Variants in GRM7 observed in about 807,000 individuals in gnomAD.
GRM7 encodes metabotropic glutamate receptor 7.
Under a neutral mutation model 84.5 loss-of-function variants are expected in GRM7, and 35 were observed. The observed-to-expected ratio is 0.41, with a 90% CI of 0.32 to 0.55. GRM7 has a LOEUF of 0.55. Among genes scored for constraint, GRM7 ranks in the 20% least tolerant of loss-of-function variants. The pLI is 0.19. For missense variants in GRM7, 1,003 were observed against 1,194.6 expected, an observed-to-expected ratio of 0.84 and a Z score of 2.36; for synonymous variants, 487 against 455.1, an observed-to-expected ratio of 1.07 and a Z score of -0.89.
intron 7 of GRM7, among the ~76,000 whole-genome samples, chr3:7,539,746 A>G (rs981324165): frequency 6.6e-6 from 1 of 151,966 alleles, no homozygotes; most frequent in Non-Finnish European, 1.5e-5. Flanking sequence ...ACTGAAATGC[A>G]GAAGGAGGAG....
intron 1 of GRM7, among the ~76,000 whole-genome samples, chr3:7,136,953 A>G (rs1207147836): frequency 6.6e-6 from 1 of 152,118 alleles, no homozygotes; most frequent in Non-Finnish European, 1.5e-5. Context: ...AGAACCCATC[A>G]ATTGACCTTC....
chr3:7,593,030 A>G (rs529618866), intron 8 of GRM7, among the ~76,000 whole-genome samples: 2 of 152,360 alleles, frequency 1.3e-5, no homozygotes, highest in South Asian at 4.1e-4. Context: ...ACAATAATGT[A>G]ACAATATTCC....
At chr3:7,009,172 G>T (rs1181749541) in intron 1 of GRM7, among the ~76,000 whole-genome samples, 2 of 152,240 alleles carry the variant, frequency 1.3e-5, no homozygotes, top group Non-Finnish European at 2.9e-5. Context: ...GAAACAACTG[G>T]TGCCTAAACT....
In GRM7 at chr3:7,486,808, G is replaced by T. The variant is rs149844798; in HGVS notation, c.1515+25086G>T. ...AAAATGGATGCTGGGAAGTGGAGTT[G>T]TTGCTATGCCTGAAAATGTAGAAGT... On this transcript the variant is annotated intron_variant, in intron 7 of 9. Coordinates refer to ENST00000357716, the MANE Select transcript of GRM7 (RefSeq NM_000844.4). This position sits in a 1 kb window ranked among gnomAD's most constrained non-coding sequence, Gnocchi z 5.5. Among the ~76,000 whole-genome samples the T allele has an allele frequency of 6.6e-6, 1 of 152,138 alleles. No individual in the cohort carries two copies. Among genetic ancestry groups the T allele is most frequent in the Admixed American group, 6.5e-5 (1 of 15,268 alleles).
chr3:7,402,115 G>C (rs1386294948), intron 4 of GRM7, among the ~76,000 whole-genome samples: 1 of 152,010 alleles, frequency 6.6e-6, no homozygotes, highest in Non-Finnish European at 1.5e-5. Flanking sequence ...CTACTTCTCA[G>C]CCTATGTGGC....
At chr3:7,334,345 C>G (rs929638930) in intron 4 of GRM7, among the ~76,000 whole-genome samples, 6 of 152,030 alleles carry the variant, frequency 3.9e-5, no homozygotes, top group African/African-American at 1.2e-4. Flanking sequence ...CTCAGACAAA[C>G]AAATGCTGAA....
chr3:7,193,668 C>T (rs1364736340), intron 2 of GRM7, among the ~76,000 whole-genome samples: 1 of 151,028 alleles, frequency 6.6e-6, no homozygotes, highest in African/African-American at 2.4e-5. Context: ...TCTCTTTCCT[C>T]TCTCTCTCTC....
In GRM7 at chr3:6,919,011, C is replaced by T. The variant is rs76885763; in HGVS notation, c.519+57104C>T. ...TAAACAAAATCAATCTTTATGGCCC[C>T]GCTGCATAGCAAGTGATCACAGCAC... On this transcript the variant is annotated intron_variant, in intron 1 of 9. Coordinates refer to ENST00000357716, the MANE Select transcript of GRM7 (RefSeq NM_000844.4). Among the ~76,000 whole-genome samples the T allele has an allele frequency of 1.2e-3, 179 of 152,182 alleles. 5 individuals carry two copies. In the East Asian group the frequency reaches 0.027, roughly 23 times the overall value.
intron 2 of GRM7, among the ~76,000 whole-genome samples, chr3:7,239,409 G>C (rs576772017): frequency 1.2e-4 from 18 of 152,204 alleles, no homozygotes; most frequent in African/African-American, 4.1e-4. Flanking sequence ...GAAGCTCTGG[G>C]ATCATAGTTT....
At chr3:7,528,230 T>G (rs1700886421) in intron 7 of GRM7, among the ~76,000 whole-genome samples, 1 of 152,090 alleles carries the variant, frequency 6.6e-6, no homozygotes, top group Non-Finnish European at 1.5e-5. Flanking sequence ...AGGGTTTCAG[T>G]TTCTTCCTGA....
chr3:7,445,073 C>A (rs1015938343), intron 5 of GRM7, among the ~76,000 whole-genome samples: 1 of 152,160 alleles, frequency 6.6e-6, no homozygotes. Context: ...TGGGCGTTAA[C>A]TTTTCCACCC....
At chr3:6,999,630 G>A (rs1183277337) in intron 1 of GRM7, among the ~76,000 whole-genome samples, 1 of 152,132 alleles carries the variant, frequency 6.6e-6, no homozygotes, top group Non-Finnish European at 1.5e-5. Flanking sequence ...AGTTCTGCAG[G>A]GCTGGGGATG....
intron 1 of GRM7, among the ~76,000 whole-genome samples, chr3:7,064,967 A>G (rs904466897): frequency 6.6e-6 from 1 of 151,726 alleles, no homozygotes; most frequent in East Asian, 1.9e-4. Context: ...TCATATGTTC[A>G]TTGGCCATTT....
intron 2 of GRM7, among the ~76,000 whole-genome samples, chr3:7,168,901 C>T (rs978068179): frequency 6.6e-6 from 1 of 152,118 alleles, no homozygotes; most frequent in Non-Finnish European, 1.5e-5. Context: ...CTACATTACT[C>T]ATATCAAATA....
At chr3:7,501,230 GT>G (rs373684162) in intron 7 of GRM7, among the ~76,000 whole-genome samples, 155 of 152,310 alleles carry the variant, frequency 1.0e-3, no homozygotes, top group Middle Eastern at 3.4e-3. Context: ...AGAGGCTTAA[GT>G]TTTTGCCTTT....
At chr3:7,699,113 C>T (rs1701126509) in intron 9 of GRM7, among the ~76,000 whole-genome samples, 1 of 152,178 alleles carries the variant, frequency 6.6e-6, no homozygotes, top group Admixed American at 6.5e-5. Context: ...TCTCTCAGAA[C>T]AGTGCAAAAG....
chr3:7,409,849 C>T (rs778288622), intron 4 of GRM7, among the ~76,000 whole-genome samples: 4 of 152,158 alleles, frequency 2.6e-5, no homozygotes, highest in Non-Finnish European at 4.4e-5. Flanking sequence ...ATCTGCCCAC[C>T]TCAGCCTCCC....
chr3:7,042,062 C>T (rs1267602516), intron 1 of GRM7, among the ~76,000 whole-genome samples: 2 of 152,152 alleles, frequency 1.3e-5, no homozygotes, highest in Non-Finnish European at 2.9e-5. Flanking sequence ...TCCCATACCT[C>T]GCCCTATGCA....
At chr3:7,587,375 ATTC>A (rs1437203100) in intron 8 of GRM7, among the ~76,000 whole-genome samples, 1 of 152,226 alleles carries the variant, frequency 6.6e-6, no homozygotes. Flanking sequence ...GGATAACTTT[ATTC>A]TTCTACCCTA....
Sources: allele counts gnomAD v4.1 joint callset (sites outside exome capture counted in the v4.1 genomes callset), GRCh38; gene constraint gnomAD v4.1.1; non-coding constraint Gnocchi (gnomAD v3.1); transcripts MANE v1.5; gene names NCBI Gene and HGNC (gene_info 2026-07-23, HGNC 2026-07-21).